The following NEBL variants were observed in gnomAD, a reference collection of about 807,000 sequenced individuals.
The protein encoded by NEBL is LIM and SH3 protein 2.
Under a neutral mutation model 140.2 loss-of-function variants are expected in NEBL, and 122 were observed. That is an observed-to-expected ratio of 0.87 (90% CI 0.75 to 1.01). The LOEUF (loss-of-function observed/expected upper bound fraction) is 1.01, where lower values mean the gene tolerates loss of function less well. NEBL is among the 50% of genes least tolerant of loss of function. The probability of loss-of-function intolerance (pLI) is 0.00; values close to 1 mark genes in which losing one functional copy is unlikely to be tolerated. For missense variants in NEBL, 1,365 were observed against 1,231.3 expected (o/e 1.11, Z -1.62); for synonymous variants, 436 against 398.9 (o/e 1.09, Z -1.11).
intron 1 of NEBL, among the ~76,000 whole-genome samples, chr10:21,275,175 C>G (rs1842905211): frequency 6.6e-6 from 1 of 152,164 alleles, no homozygotes; most frequent in African/African-American, 2.4e-5. Flanking sequence ...CATGAGCGAC[C>G]CTGGAGCAGA....
intron 2 of NEBL, among the ~76,000 whole-genome samples, chr10:21,165,442 C>A (rs1222806184): frequency 6.6e-6 from 1 of 152,198 alleles, no homozygotes; most frequent in African/African-American, 2.4e-5. Flanking sequence ...CATCCTAATC[C>A]AGTTCTTCTG....
intron 4 of NEBL, among the ~76,000 whole-genome samples, chr10:20,950,565 T>C (rs1341484608): frequency 6.6e-6 from 1 of 152,188 alleles, no homozygotes; most frequent in African/African-American, 2.4e-5. Flanking sequence ...TTTTTCACTT[T>C]TTCTGAAATC....
At chr10:21,030,662 T>C (rs1833740567) in intron 2 of NEBL, 2 of 509,478 alleles carry the variant, frequency 3.9e-6, no homozygotes, top group Admixed American at 2.4e-5. Flanking sequence ...GTAGGTGTGG[T>C]GAATGTCCCA....
At chr10:21,034,937 T>C (rs1408274118) in intron 2 of NEBL, among the ~76,000 whole-genome samples, 2 of 146,116 alleles carry the variant, frequency 1.4e-5, no homozygotes, top group Non-Finnish European at 3.0e-5. Flanking sequence ...GCACTAGCTA[T>C]TTATTCTTAT....
intron 2 of NEBL, chr10:21,125,782 T>A (rs1394109845): frequency 6.9e-7 from 1 of 1,442,578 alleles, no homozygotes; most frequent in African/African-American, 1.4e-5. Context: ...TTTAAAATTT[T>A]ATTGTATATG....
At chr10:20,972,046 G>A (rs1353449009) in intron 3 of NEBL, among the ~76,000 whole-genome samples, 1 of 152,186 alleles carries the variant, frequency 6.6e-6, no homozygotes, top group African/African-American at 2.4e-5. Flanking sequence ...TACGAAATAA[G>A]TAATTTCCAG....
At chr10:21,072,134 A>T (rs561814947) in intron 2 of NEBL, among the ~76,000 whole-genome samples, 18 of 151,656 alleles carry the variant, frequency 1.2e-4, no homozygotes, top group Non-Finnish European at 2.7e-4. Context: ...TTTTTTTTTC[A>T]GGAGGTTCTG....
intron 1 of NEBL, among the ~76,000 whole-genome samples, chr10:21,258,299 T>C (rs1842691686): frequency 6.6e-6 from 1 of 152,190 alleles, no homozygotes; most frequent in Non-Finnish European, 1.5e-5. Flanking sequence ...CTGGGTGCAG[T>C]GGCTTATGCC....
At chr10:21,191,814 T>A (rs528086606) in intron 3 of NEBL, among the ~76,000 whole-genome samples, 1 of 152,286 alleles carries the variant, frequency 6.6e-6, no homozygotes, top group South Asian at 2.1e-4. Context: ...CCTTTGTAAA[T>A]ATGACATGCT....
intron 2 of NEBL, among the ~76,000 whole-genome samples, chr10:21,098,177 G>T (rs1837287176): frequency 6.6e-6 from 1 of 150,570 alleles, no homozygotes; most frequent in Non-Finnish European, 1.5e-5. Context: ...TAGGAGGATA[G>T]CAACACACAC....
intron 2 of NEBL, among the ~76,000 whole-genome samples, chr10:21,116,665 A>G (rs1301830596): frequency 1.3e-5 from 2 of 151,532 alleles, no homozygotes; most frequent in Non-Finnish European, 2.9e-5. Flanking sequence ...ATGCCTGGTA[A>G]TTTCTTTTTC....
chr10:21,168,072 A>C (rs1157973333), intron 2 of NEBL, among the ~76,000 whole-genome samples: 1 of 152,224 alleles, frequency 6.6e-6, no homozygotes, highest in Non-Finnish European at 1.5e-5. Context: ...AAAAGATCAA[A>C]ATTTAAATAT....
intron 3 of NEBL, among the ~76,000 whole-genome samples, chr10:20,995,447 G>T (rs1180350423): frequency 6.6e-6 from 1 of 152,078 alleles, no homozygotes; most frequent in Non-Finnish European, 1.5e-5. Context: ...AAGGAAAAAG[G>T]GTCCCTGAGC....
chr10:21,026,835 A>T (rs964664588), intron 2 of NEBL, among the ~76,000 whole-genome samples: 1 of 152,034 alleles, frequency 6.6e-6, no homozygotes, highest in Non-Finnish European at 1.5e-5. Flanking sequence ...ACCATCATTA[A>T]CCACCAAGAG....
intron 2 of NEBL, among the ~76,000 whole-genome samples, chr10:21,062,739 G>A (rs1835359328): frequency 6.6e-6 from 1 of 151,902 alleles, no homozygotes; most frequent in Non-Finnish European, 1.5e-5. Flanking sequence ...CCTATCTGAA[G>A]GACCTAGAAT....
At chr10:21,222,978 G>T (rs1165332606) in intron 3 of NEBL, among the ~76,000 whole-genome samples, 1 of 152,202 alleles carries the variant, frequency 6.6e-6, no homozygotes, top group Non-Finnish European at 1.5e-5. Context: ...GGCCAGGCTG[G>T]CCTTGAACTC....
intron 7 of NEBL, among the ~76,000 whole-genome samples, chr10:20,861,060 CT>C (rs143978719): frequency 3.3e-5 from 5 of 152,150 alleles, no homozygotes; most frequent in East Asian, 1.9e-4. Context: ...GAAAAACTGA[CT>C]TTTTTTATTA....
intron 3 of NEBL, among the ~76,000 whole-genome samples, chr10:20,962,487 T>C (rs1201354562): frequency 6.6e-6 from 1 of 152,264 alleles, no homozygotes; most frequent in Admixed American, 6.5e-5. Context: ...CGAAGATTTT[T>C]TTCAGTATTT....
intron 3 of NEBL, among the ~76,000 whole-genome samples, chr10:21,200,835 A>G (rs548530736): frequency 5.1e-4 from 77 of 152,278 alleles, no homozygotes; most frequent in African/African-American, 1.8e-3. Flanking sequence ...GGCCAGGCAC[A>G]GTGGCTCACA....
Sources: allele counts gnomAD v4.1 joint callset (sites outside exome capture counted in the v4.1 genomes callset), GRCh38; gene constraint gnomAD v4.1.1; transcripts MANE v1.5; gene names NCBI Gene and HGNC (gene_info 2026-07-23, HGNC 2026-07-21).